PALM: variants seen among roughly 807,000 people sequenced by gnomAD.
The protein encoded by PALM is paralemmin-1.
PALM carries 18 observed loss-of-function variants against 30.7 expected under a neutral mutation model. That is an observed-to-expected ratio of 0.59 (90% CI 0.41 to 0.87). The LOEUF (loss-of-function observed/expected upper bound fraction) is 0.87. Ranked by LOEUF, PALM falls within the 40% of genes least tolerant of loss-of-function variation. PALM has a pLI of 0.00. For synonymous variants in PALM, 286 were observed against 242.8 expected, an observed-to-expected ratio of 1.18 and a Z score of -1.66; for missense variants, 529 against 555.4, an observed-to-expected ratio of 0.95 and a Z score of 0.48.
At chr19:727,927 A>G in intron 4 of PALM, 1 of 532,960 alleles carries the variant, frequency 1.9e-6, no homozygotes, top group South Asian at 2.4e-5. Flanking sequence ...GCGTGGCCTC[A>G]GGCAGGGAGA....
chr19:734,215 T>C (rs759462166), intron 6 of PALM, 21 bp downstream of exon 6: 3 of 1,611,940 alleles, frequency 1.9e-6, no homozygotes, highest in East Asian at 4.5e-5. Context: ...TGGAAGGAAC[T>C]CGTGGGGCCT....
At chr19:731,341 G>A in intron 5 of PALM, 96 bp downstream of exon 5, 1 of 1,120,510 alleles carries the variant, frequency 8.9e-7, no homozygotes, top group Non-Finnish European at 1.3e-6. Context: ...TAGCTGAGGG[G>A]ACAGGCACAG....
chr19:738,750 G>A lies in PALM; in HGVS notation c.503-1602G>A, dbSNP rs377023543. On this transcript the variant is annotated intron_variant, in intron 7 of 8. Coordinates refer to ENST00000338448, the MANE Select transcript of PALM (RefSeq NM_002579.3). ...CCGGCGCAGAGCAGAGTCCAGGGCCGCAGCCGGGCCTAAGCGTCGAGGTTG... is the reference window on the plus strand; with the variant it reads ...CCGGCGCAGAGCAGAGTCCAGGGCCACAGCCGGGCCTAAGCGTCGAGGTTG... Among the ~76,000 whole-genome samples, 255 of 152,294 alleles carry A rather than the reference G, an allele frequency of 1.7e-3. 1 individual carries two copies. The highest frequency in any genetic ancestry group is 5.6e-3 in the African/African-American group (234 of 41,558).
Position 734,168 on chromosome 19 carries a change from T to C in PALM, c.421-5T>C. ...CCCCTGACCCTTCTCTCTTCTTTCT[T>C]GCAGACGCCGGTGGGCACGCCCAAA... is the stretch of plus-strand genomic sequence containing the variant. On this transcript the variant is annotated splice_region_variant and splice_polypyrimidine_tract_variant and intron_variant, in intron 5 of 8. Transcript: ENST00000338448. 1.2e-6 allele frequency: 2 copies of C among 1,613,950 alleles called. No individual in the cohort carries two copies. The highest frequency in any genetic ancestry group is 1.7e-6 in the Non-Finnish European group (2 of 1,179,942).
intron 1 of PALM, among the ~76,000 whole-genome samples, chr19:711,736 C>T (rs1568216727): frequency 6.6e-6 from 1 of 152,160 alleles, no homozygotes; most frequent in Non-Finnish European, 1.5e-5. Flanking sequence ...TTGATTTACA[C>T]TGGAGTGGTT....
intron 1 of PALM, among the ~76,000 whole-genome samples, chr19:723,823 C>T (rs1243991717): frequency 2.6e-5 from 4 of 152,002 alleles, no homozygotes; most frequent in African/African-American, 9.7e-5. Context: ...CTCGAACTTC[C>T]GACCTCAGGT....
chr19:711,006 C>G (rs2032061483), intron 1 of PALM, among the ~76,000 whole-genome samples: 1 of 152,250 alleles, frequency 6.6e-6, no homozygotes. Context: ...CCTCCCGTTT[C>G]CACAGATTTT....
chr19:712,692 T>G (rs1193406802), intron 1 of PALM, among the ~76,000 whole-genome samples: 1 of 151,020 alleles, frequency 6.6e-6, no homozygotes, highest in Non-Finnish European at 1.5e-5. Context: ...TTTTTTTTAT[T>G]GGAGACAGAG....
At chr19:745,141 T>C (rs1282680280) in intron 8 of PALM, among the ~76,000 whole-genome samples, 3 of 151,934 alleles carry the variant, frequency 2.0e-5, no homozygotes, top group African/African-American at 7.3e-5. Flanking sequence ...GATCGTGCCA[T>C]TGCACTCCAG....
At chr19:715,952 G>T (rs530649015) in intron 1 of PALM, among the ~76,000 whole-genome samples, 3 of 152,248 alleles carry the variant, frequency 2.0e-5, no homozygotes, top group East Asian at 3.9e-4. Context: ...TAGGAGGATG[G>T]CTGCGTGGAC....
chr19:732,796 C>T (rs1308284054), intron 5 of PALM, among the ~76,000 whole-genome samples: 4 of 151,952 alleles, frequency 2.6e-5, no homozygotes, highest in Non-Finnish European at 5.9e-5. Context: ...GTGGTCAGGC[C>T]GAAGAGGTGG....
intron 1 of PALM, chr19:719,509 G>C: frequency 1.0e-6 from 1 of 985,506 alleles, no homozygotes; most frequent in Non-Finnish European, 1.2e-6. Context: ...GGGGCTCTGC[G>C]CGGCTGCCGG....
At chr19:727,994 C>A (rs1014289339) in intron 4 of PALM, 1 of 210,886 alleles carries the variant, frequency 4.7e-6, no homozygotes, top group African/African-American at 4.4e-5. Context: ...TGGCGTCGAG[C>A]TCCTGGGTCC....
At chr19:727,779 C>T (rs564092512) in intron 4 of PALM, 85 bp downstream of exon 4, 5 of 1,303,470 alleles carry the variant, frequency 3.8e-6, no homozygotes, top group East Asian at 2.5e-5. Flanking sequence ...TGGGAAGAGT[C>T]GTCAGTGTGC....
chr19:744,859 A>C (rs1339382137), intron 8 of PALM, among the ~76,000 whole-genome samples: 2 of 146,222 alleles, frequency 1.4e-5, no homozygotes, highest in Non-Finnish European at 3.0e-5. Flanking sequence ...GCGCCACTGC[A>C]CTCCACCCTG....
chr19:735,020 C>T (rs2032980711), intron 6 of PALM: 1 of 973,680 alleles, frequency 1.0e-6, no homozygotes, highest in Admixed American at 6.1e-5. Flanking sequence ...ACAGGCCTCT[C>T]AGGGATTTTG....
chr19:735,955 TG>T, intron 6 of PALM, 63 bp from the exon 7 acceptor site: 10 of 1,403,088 alleles, frequency 7.1e-6, no homozygotes, highest in Middle Eastern at 1.8e-4. Context: ...TTGGGCTGTC[TG>T]GGGGGTCCAT....
rs373508433 is a variant in PALM, at chr19:742,616, A to AG, written c.634+2133_634+2134insG. On this transcript the variant is annotated intron_variant, in intron 8 of 8. Transcript: ENST00000338448. This position sits in a 1 kb window ranked among gnomAD's most constrained non-coding sequence, Gnocchi z 5.5. ...GTGAAACTCTGTCTCAAAAAAAAAA[A>AG]AAAGAAAGAAAAGAGAATAAATGGG... 2.7e-5 allele frequency among the ~76,000 whole-genome samples: 4 copies of AG among 147,704 alleles called. No individual in the cohort carries two copies. The highest frequency in any genetic ancestry group is 6.7e-5 in the Admixed American group (1 of 14,844).
chr19:720,214 C>T (rs954937388), intron 1 of PALM, among the ~76,000 whole-genome samples: 1 of 151,932 alleles, frequency 6.6e-6, no homozygotes, highest in Non-Finnish European at 1.5e-5. Flanking sequence ...CCCACCCCCG[C>T]GCGCCGGGCC....
Sources: gnomAD v4.1 joint callset for allele counts (sites outside exome capture counted in the v4.1 genomes callset) on GRCh38, gnomAD v4.1.1 for gene constraint, Gnocchi (gnomAD v3.1) non-coding constraint, MANE v1.5 for transcripts, NCBI Gene and HGNC (gene_info 2026-07-23, HGNC 2026-07-21) for gene names.